NOS1AP: variants seen among roughly 807,000 people sequenced by gnomAD.
NOS1AP encodes carboxyl-terminal PDZ ligand of neuronal nitric oxide synthase protein.
NOS1AP carries 21 observed loss-of-function variants against 56.2 expected under a neutral mutation model. The observed-to-expected ratio is 0.37, with a 90% CI of 0.26 to 0.54. The LOEUF (loss-of-function observed/expected upper bound fraction) is 0.54. Ranked by LOEUF, NOS1AP falls within the 20% of genes least tolerant of loss-of-function variation. The probability of loss-of-function intolerance (pLI) is 0.84; values close to 1 mark genes in which losing one functional copy is unlikely to be tolerated. For synonymous variants in NOS1AP, 270 were observed against 274.6 expected, an observed-to-expected ratio of 0.98 and a Z score of 0.17; for missense variants, 522 against 657.8, an observed-to-expected ratio of 0.79 and a Z score of 2.26.
chr1:162,085,915 AT>A (rs1691990282), intron 1 of NOS1AP, among the ~76,000 whole-genome samples: 1 of 152,090 alleles, frequency 6.6e-6, no homozygotes, highest in Non-Finnish European at 1.5e-5. Flanking sequence ...GATGGGTGCT[AT>A]TTTTCCTCTT....
At chr1:162,070,874 GT>G (rs1315819689) in intron 1 of NOS1AP, among the ~76,000 whole-genome samples, 1 of 152,068 alleles carries the variant, frequency 6.6e-6, no homozygotes, top group Non-Finnish European at 1.5e-5. Flanking sequence ...CCATTTGCTA[GT>G]TTTGTGGCTT....
chr1:162,223,951 T>C (rs868397532), intron 2 of NOS1AP, among the ~76,000 whole-genome samples: 43 of 152,336 alleles, frequency 2.8e-4, no homozygotes, highest in Middle Eastern at 6.8e-3. Flanking sequence ...CTGGATACGG[T>C]GCATGGATCA....
chr1:162,245,003 T>C (rs1298404619), intron 2 of NOS1AP, among the ~76,000 whole-genome samples: 1 of 152,154 alleles, frequency 6.6e-6, no homozygotes, highest in Admixed American at 6.5e-5. Context: ...CATAGCTGCC[T>C]CCTCTTTTAT....
chr1:162,310,079 G>A (rs915923322), intron 4 of NOS1AP, among the ~76,000 whole-genome samples: 8 of 152,172 alleles, frequency 5.3e-5, no homozygotes, highest in African/African-American at 1.9e-4. Context: ...CTCCCAGACA[G>A]AGATGACTCT....
chr1:162,158,546 A>T (rs1650064974), intron 2 of NOS1AP, among the ~76,000 whole-genome samples: 1 of 152,110 alleles, frequency 6.6e-6, no homozygotes, highest in Admixed American at 6.5e-5. Context: ...CCCATTTTTA[A>T]TTTTTTTGAA....
At chr1:162,102,727 G>A (rs1013924144) in intron 1 of NOS1AP, among the ~76,000 whole-genome samples, 1 of 152,116 alleles carries the variant, frequency 6.6e-6, no homozygotes, top group Non-Finnish European at 1.5e-5. Flanking sequence ...TTGCATAGAA[G>A]TGTTTATAGT....
At chr1:162,176,750 A>C (rs1651076201) in intron 2 of NOS1AP, among the ~76,000 whole-genome samples, 2 of 151,990 alleles carry the variant, frequency 1.3e-5, no homozygotes, top group Admixed American at 1.3e-4. Flanking sequence ...CTGGTGATCC[A>C]CCCACCTTGG....
intron 9 of NOS1AP, 131 bp downstream of exon 9, chr1:162,365,700 A>C: frequency 8.7e-7 from 1 of 1,148,042 alleles, no homozygotes; most frequent in Non-Finnish European, 1.3e-6. Context: ...AAACATAGGC[A>C]GCTTTGTTTT....
At chr1:162,183,227 T>C (rs1591619) in intron 2 of NOS1AP, among the ~76,000 whole-genome samples, 70,619 of 152,058 alleles carry the variant, frequency 0.46, 17,983 homozygotes, top group East Asian at 0.75. Context: ...GACAGTAATA[T>C]TTTGAAAGAA....
chr1:162,340,709 G>A (rs1422146415), intron 5 of NOS1AP, among the ~76,000 whole-genome samples: 1 of 152,180 alleles, frequency 6.6e-6, no homozygotes, highest in Non-Finnish European at 1.5e-5. Flanking sequence ...GCCCTTTCCA[G>A]CATGGGGAAG....
chr1:162,329,330 T>C lies in NOS1AP; in HGVS notation c.345-3687T>C, dbSNP rs148698135. Among the ~76,000 whole-genome samples, 596 of 150,974 alleles carry C rather than the reference T, an allele frequency of 3.9e-3. 2 individuals are homozygous for C. Among genetic ancestry groups the C allele is most frequent in the African/African-American group, 0.014 (572 of 41,100 alleles). On this transcript the variant is annotated intron_variant, in intron 4 of 9. Transcript: ENST00000361897. ...ATCACTTGAACCTGGGAGGCAGAGG[T>C]TGCAGTGAGCCAAGATTTCACCAAG... is the stretch of plus-strand genomic sequence containing the variant.
rs1309898977 is a variant in NOS1AP, at chr1:162,306,208, G to A, written c.344+5502G>A. Among the ~76,000 whole-genome samples, 3 of 152,332 alleles carry A rather than the reference G, an allele frequency of 2.0e-5. No homozygotes were observed. The East Asian group carries it at 5.8e-4, about 29-fold the overall frequency. ...TAGATTAGAACTGCAAAGGGGACAG[G>A]TGCAGAAGTCTCCGGAAGGCTGTTG... On this transcript the variant is annotated intron_variant, in intron 4 of 9. Coordinates refer to ENST00000361897, the MANE Select transcript of NOS1AP (RefSeq NM_014697.3).
chr1:162,225,480 C>T (rs1201164149), intron 2 of NOS1AP, among the ~76,000 whole-genome samples: 1 of 152,164 alleles, frequency 6.6e-6, no homozygotes, highest in Non-Finnish European at 1.5e-5. Flanking sequence ...CACAGTGCCT[C>T]TTCTTCAGGT....
chr1:162,236,591 C>G (rs573927979), intron 2 of NOS1AP, among the ~76,000 whole-genome samples: 35 of 152,310 alleles, frequency 2.3e-4, no homozygotes, highest in African/African-American at 7.0e-4. Context: ...GGCAAGTCAT[C>G]CCTCTAGTCC....
intron 2 of NOS1AP, among the ~76,000 whole-genome samples, chr1:162,182,470 T>C (rs1651295249): frequency 6.6e-6 from 1 of 152,214 alleles, no homozygotes; most frequent in African/African-American, 2.4e-5. Context: ...GGTGGCTGTG[T>C]CAATTTCTTA....
rs1350082760 is a variant in NOS1AP at position 162,333,061 on chromosome 1, G to A, written c.389G>A (p.Ser130Asn). 1 of 1,613,858 alleles carries A rather than the reference G, an allele frequency of 6.2e-7. No individual in the cohort carries two copies. The highest frequency in any genetic ancestry group is 8.5e-7 in the Non-Finnish European group (1 of 1,179,902). The part of the protein sequence containing the change: ...SHDSQDLKIF[S>N]YIARDGASNI... ...GATTCCCAAGACTTGAAGATCTTCAGCTATATCGCTCGAGATGGTGCCAGC... is the reference window on the plus strand; with the variant it reads ...GATTCCCAAGACTTGAAGATCTTCAACTATATCGCTCGAGATGGTGCCAGC... Residue 130 changes from serine (S) to asparagine (N), a missense_variant, in exon 5 of 10, where the codon AGC (serine) becomes AAC (asparagine). Ser to Asn is a conservative substitution (Grantham distance 46). This residue lies in a region of NOS1AP where 132 missense variants were observed against 218.1 expected (regional missense o/e 0.61). Transcript: ENST00000361897.
chr1:162,365,803 C>T (rs765878247), intron 9 of NOS1AP, among the ~76,000 whole-genome samples: 2 of 152,112 alleles, frequency 1.3e-5, no homozygotes, highest in African/African-American at 2.4e-5. Flanking sequence ...CTTTGAATGT[C>T]CCCGGAGTCA....
At chr1:162,081,774 A>ATATATTTTTTTTTT in intron 1 of NOS1AP, among the ~76,000 whole-genome samples, 14 of 44,058 alleles carry the variant, frequency 3.2e-4, no homozygotes, top group African/African-American at 9.9e-4. Flanking sequence ...ATATATATAT[A>ATATATTTTTTTTTT]TTTTTTTTTT....
intron 4 of NOS1AP, among the ~76,000 whole-genome samples, chr1:162,302,101 G>A (rs1207100507): frequency 6.6e-6 from 1 of 152,152 alleles, no homozygotes; most frequent in East Asian, 1.9e-4. Flanking sequence ...TTCTGCCTCT[G>A]TGTTCCTGTA....
Sources: allele counts gnomAD v4.1 joint callset (sites outside exome capture counted in the v4.1 genomes callset), GRCh38; gene constraint gnomAD v4.1.1; regional missense constraint gnomAD v4.1.1; transcripts MANE v1.5; gene names NCBI Gene and HGNC (gene_info 2026-07-23, HGNC 2026-07-21).